The following FLI1 variants were observed in gnomAD, a reference collection of about 807,000 sequenced individuals.
FLI1 encodes the protein Friend leukemia integration 1 transcription factor.
A neutral mutation model predicts 53.1 loss-of-function variants in FLI1; 13 were observed. The observed-to-expected ratio is 0.24, with a 90% confidence interval of 0.16 to 0.39. The LOEUF (loss-of-function observed/expected upper bound fraction) is 0.39, where lower values mean the gene tolerates loss of function less well. Among genes scored for constraint, FLI1 ranks in the 10% least tolerant of loss-of-function variants. FLI1 has a pLI of 1.00. For synonymous variants in FLI1, 244 were observed against 236.7 expected, an observed-to-expected ratio of 1.03 and a Z score of -0.28; for missense variants, 424 against 600.5, an observed-to-expected ratio of 0.71 and a Z score of 3.07.
chr11:128,706,935 CATA>C (rs1351402842), intron 1 of FLI1, among the ~76,000 whole-genome samples: 1 of 152,184 alleles, frequency 6.6e-6, no homozygotes, highest in Admixed American at 6.5e-5. Flanking sequence ...ATGGTTAATT[CATA>C]ATGATTTTTC....
In FLI1 at chr11:128,781,999, T is replaced by C. The variant is rs1941931537; in HGVS notation, c.631T>C (p.Ser211Pro). 1 of 1,613,760 alleles carries C rather than the reference T, an allele frequency of 6.2e-7. No individual in the cohort carries two copies. Among genetic ancestry groups the C allele is most frequent in the Non-Finnish European group, 8.5e-7 (1 of 1,179,802 alleles). ...TAATACAACCTCCCACACCGACCAA[T>C]CCTCACGATTGAGTGTCAAAGAAGG... is the stretch of plus-strand genomic sequence containing the variant. ...AYNTTSHTDQ[S>P]SRLSVKEDPS... Residue 211 changes from serine (S) to proline (P), a missense_variant, in exon 5 of 9, where the codon TCC becomes CCC. Transcript: ENST00000527786.
In FLI1 at chr11:128,748,231, T is replaced by G. The variant is rs1050266656; in HGVS notation, c.19-9884T>G. 3.1e-6 allele frequency: 3 copies of G among 982,114 alleles called. No homozygotes were observed. In the African/African-American group the frequency reaches 5.2e-5, roughly 17 times the overall value. 60.8% of individuals were successfully genotyped at this position (982,114 alleles called of 1,614,324 possible). A position where few individuals can be genotyped will look rare whatever the true frequency, so the allele number is the denominator to read the frequency against. Reference sequence around the variant, plus strand: ...GTCTGCAAATAATTGCAATTGCATCTTCTAGGAATTCTTTCTCTGGGTCAT... The same window carrying G: ...GTCTGCAAATAATTGCAATTGCATCGTCTAGGAATTCTTTCTCTGGGTCAT... On this transcript the variant is annotated intron_variant, in intron 1 of 8. Coordinates refer to ENST00000527786, the MANE Select transcript of FLI1 (RefSeq NM_002017.5).
intron 1 of FLI1, among the ~76,000 whole-genome samples, chr11:128,716,905 G>A (rs2135728544): frequency 6.6e-6 from 1 of 152,304 alleles, no homozygotes; most frequent in African/African-American, 2.4e-5. Context: ...GCAGGGAGGA[G>A]GAAGAAGGCA....
chr11:128,702,226 T>G (rs1217947840), intron 1 of FLI1, among the ~76,000 whole-genome samples: 1 of 152,242 alleles, frequency 6.6e-6, no homozygotes, highest in African/African-American at 2.4e-5. Context: ...CAGGCACCAA[T>G]CTCAATAGAG....
chr11:128,747,508 A>C (rs1401185913), intron 1 of FLI1, among the ~76,000 whole-genome samples: 1 of 152,144 alleles, frequency 6.6e-6, no homozygotes, highest in African/African-American at 2.4e-5. Context: ...GCCTGTATTT[A>C]ATACTTCCTA....
rs145317036 is a variant in FLI1 at position 128,735,185 on chromosome 11, T to C, written c.19-22930T>C. Among the ~76,000 whole-genome samples the C allele has an allele frequency of 4.5e-3, 687 of 152,358 alleles. 12 individuals carry two copies. Among genetic ancestry groups the C allele is most frequent in the African/African-American group, 0.016 (655 of 41,582 alleles). ...TCCTATTAAGATCAATGTCTTAAACTATAAAATAATCTACAATTTTCCTTG... is the reference window on the plus strand; with the variant it reads ...TCCTATTAAGATCAATGTCTTAAACCATAAAATAATCTACAATTTTCCTTG... On this transcript the variant is annotated intron_variant, in intron 1 of 8. Transcript: ENST00000527786.
At chr11:128,726,374 C>T (rs1939478988) in intron 1 of FLI1, among the ~76,000 whole-genome samples, 1 of 152,138 alleles carries the variant, frequency 6.6e-6, no homozygotes, top group Admixed American at 6.5e-5. Context: ...GGGGGTGCAA[C>T]CGGGAAGCCC....
At chr11:128,783,094 G>A (rs908416884) in intron 5 of FLI1, among the ~76,000 whole-genome samples, 2 of 152,146 alleles carry the variant, frequency 1.3e-5, no homozygotes, top group Non-Finnish European at 1.5e-5. Flanking sequence ...TCCTTGGCTC[G>A]CTGTCTGTCC....
intron 4 of FLI1, among the ~76,000 whole-genome samples, chr11:128,781,012 T>C (rs1941898364): frequency 6.6e-6 from 1 of 152,138 alleles, no homozygotes; most frequent in Non-Finnish European, 1.5e-5. Flanking sequence ...AAAGTCTAGT[T>C]TTAGGAAAGA....
chr11:128,735,043 C>T (rs563577779), intron 1 of FLI1, among the ~76,000 whole-genome samples: 8 of 152,184 alleles, frequency 5.3e-5, no homozygotes, highest in Non-Finnish European at 8.8e-5. Context: ...TTTATGACCA[C>T]GAACGTAGTC....
chr11:128,745,574 G>A (rs578005067), intron 1 of FLI1, among the ~76,000 whole-genome samples: 2 of 152,340 alleles, frequency 1.3e-5, no homozygotes, highest in Admixed American at 1.3e-4. Context: ...TGGCTCAGCC[G>A]TGAATCACGG....
intron 1 of FLI1, among the ~76,000 whole-genome samples, chr11:128,725,748 A>G (rs1381666835): frequency 6.6e-6 from 1 of 151,718 alleles, no homozygotes; most frequent in Non-Finnish European, 1.5e-5. Flanking sequence ...AAACTTATGA[A>G]GGGAAAAAAA....
rs1450739645 is a variant in FLI1, at chr11:128,706,472, C to T, written c.18+12196C>T. On this transcript the variant is annotated intron_variant, in intron 1 of 8. Transcript: ENST00000527786. ...CATATCTCCCAAAGTACCTATCACA[C>T]ATTGCCAACTTAGGATAGCCCCCTC... Among the ~76,000 whole-genome samples the T allele has an allele frequency of 3.9e-5, 6 of 152,238 alleles. No individual in the cohort carries two copies. In the East Asian group the frequency reaches 7.7e-4, roughly 20 times the overall value.
At chr11:128,717,531 G>A (rs760373082) in intron 1 of FLI1, among the ~76,000 whole-genome samples, 8 of 152,182 alleles carry the variant, frequency 5.3e-5, no homozygotes, top group Non-Finnish European at 8.8e-5. Flanking sequence ...TGGGACTGCA[G>A]GGCAGGCAGG....
In FLI1 at chr11:128,687,958, C is replaced by T. The variant is rs189945859; in HGVS notation, c.-203+1257C>T. On this transcript the variant is annotated intron_variant, in intron 1 of 6. Transcript: ENST00000344954. Reference sequence around the variant, plus strand: ...TAGCAAAATGACTCCCAGGAGGTTACAGAGCATACTTTAAGGTTAGACTAA... The same window carrying T: ...TAGCAAAATGACTCCCAGGAGGTTATAGAGCATACTTTAAGGTTAGACTAA... 3.3e-3 allele frequency among the ~76,000 whole-genome samples: 505 copies of T among 152,350 alleles called. 4 individuals carry two copies. Among genetic ancestry groups the T allele is most frequent in the Non-Finnish European group, 4.6e-3 (312 of 68,030 alleles).
intron 1 of FLI1, among the ~76,000 whole-genome samples, chr11:128,749,904 C>T (rs1046165222): frequency 2.6e-5 from 4 of 152,206 alleles, no homozygotes; most frequent in African/African-American, 9.6e-5. Flanking sequence ...CGGCCACCTG[C>T]TCTTGGCACT....
upstream of FLI1, among the ~76,000 whole-genome samples, chr11:128,685,531 C>G (rs1329085219): frequency 6.6e-6 from 1 of 150,900 alleles, no homozygotes; most frequent in Non-Finnish European, 1.5e-5. Flanking sequence ...TCTCTGTTTT[C>G]TTGTAAATTA....
intron 1 of FLI1, among the ~76,000 whole-genome samples, chr11:128,718,515 A>G (rs1939114149): frequency 6.6e-6 from 1 of 152,188 alleles, no homozygotes; most frequent in Non-Finnish European, 1.5e-5. Context: ...TGCTGGCCGG[A>G]TACTGACCAA....
rs1286017687 is a variant in FLI1, at chr11:128,694,214, G to T, written c.-45G>T. On this transcript the variant is annotated 5_prime_UTR_variant, in exon 1 of 9. Coordinates refer to ENST00000527786, the MANE Select transcript of FLI1 (RefSeq NM_002017.5). ...GGCTGCGAGGTCAGGCTGTAACCGG[G>T]TCAATGTGTGGAATATTGGGGGGCT... The T allele has an allele frequency of 6.6e-7, 1 of 1,522,758 alleles. No homozygotes were observed. Among genetic ancestry groups the T allele is most frequent in the African/African-American group, 1.4e-5 (1 of 69,250 alleles). The allele number at this position is 1,522,758 out of a possible 1,614,324, so 94.3% of individuals were successfully genotyped here. A position where few individuals can be genotyped will look rare whatever the true frequency, so the allele number is the denominator to read the frequency against.
Sources: allele counts gnomAD v4.1 joint callset (sites outside exome capture counted in the v4.1 genomes callset), GRCh38; gene constraint gnomAD v4.1.1; transcripts MANE v1.5; gene names NCBI Gene and HGNC (gene_info 2026-07-23, HGNC 2026-07-21).